Variants in GALNT17 observed in about 807,000 individuals in gnomAD.
The protein encoded by GALNT17 is polypeptide N-acetylgalactosaminyltransferase 17, also known as UDP-GalNAc:polypeptide N-acetylgalactosaminyltransferase-like 3.
GALNT17 carries 29 observed loss-of-function variants against 63.7 expected under a neutral mutation model. That is an observed-to-expected ratio of 0.46 (90% CI 0.34 to 0.62). The LOEUF is 0.62. GALNT17 is among the 20% of genes least tolerant of loss of function. GALNT17 has a pLI of 0.01. For missense variants in GALNT17, 603 were observed against 799.6 expected (o/e 0.75, Z 2.97); for synonymous variants, 305 against 318.3 (o/e 0.96, Z 0.45).
chr7:71,342,827 G>A (rs10265527), intron 2 of GALNT17, among the ~76,000 whole-genome samples: 98,988 of 151,634 alleles, frequency 0.65, 32,721 homozygotes, highest in African/African-American at 0.76. Context: ...GATTACAGGA[G>A]TTGAAGGAGA....
chr7:71,282,186 A>G (rs1790790175), intron 1 of GALNT17, among the ~76,000 whole-genome samples: 1 of 152,228 alleles, frequency 6.6e-6, no homozygotes, highest in Non-Finnish European at 1.5e-5. Flanking sequence ...TGTGAACGAA[A>G]AAGCTCAGAC....
At chr7:71,647,229 A>ATTTTTT (rs5884850) in intron 6 of GALNT17, among the ~76,000 whole-genome samples, 35 of 137,502 alleles carry the variant, frequency 2.5e-4, no homozygotes, top group African/African-American at 8.7e-4. Flanking sequence ...GTGCCCAGCT[A>ATTTTTT]TTTTTTTTTT....
At chr7:71,170,073 C>T (rs984035739) in intron 1 of GALNT17, among the ~76,000 whole-genome samples, 1 of 151,978 alleles carries the variant, frequency 6.6e-6, no homozygotes, top group Non-Finnish European at 1.5e-5. Context: ...ATAGCTGGGA[C>T]TACAGATGCC....
chr7:71,199,702 CATCCATCCATGT>C (rs1473755946), intron 1 of GALNT17, among the ~76,000 whole-genome samples: 7 of 147,200 alleles, frequency 4.8e-5, no homozygotes, highest in Non-Finnish European at 7.4e-5. Context: ...TCCATCCATC[CATCCATCCATGT>C]ATGTGTCCAC....
rs1451662175 is a variant in GALNT17, at chr7:71,559,016, AGTT to A, written c.963-12262_963-12260del. On this transcript the variant is annotated intron_variant, in intron 5 of 10. Coordinates refer to ENST00000333538, the MANE Select transcript of GALNT17 (RefSeq NM_022479.3). ...ACAGTTCCCTTTCCAATCTGAAGGA[AGTT>A]GTTGTTTCAGCATGAATTATCTTTT... 7.9e-5 allele frequency among the ~76,000 whole-genome samples: 12 copies of A among 152,330 alleles called. No homozygotes were observed. In the East Asian group the frequency reaches 2.1e-3, roughly 27 times the overall value.
At chr7:71,421,583 G>A (rs979442861) in intron 5 of GALNT17, among the ~76,000 whole-genome samples, 36 of 152,182 alleles carry the variant, frequency 2.4e-4, no homozygotes, top group African/African-American at 8.4e-4. Flanking sequence ...CTCTTGCCCC[G>A]GGTCCCACCC....
At position 71,581,021 on chromosome 7, in the gene GALNT17, T is replaced by C. The variant is rs1789628316; in HGVS notation, c.1080+9619T>C. On this transcript the variant is annotated intron_variant, in intron 6 of 10. Coordinates refer to ENST00000333538, the MANE Select transcript of GALNT17 (RefSeq NM_022479.3). The stretch of plus-strand genomic sequence containing the variant: ...AATTTATAAACAAAAGACAGTTAAT[T>C]GATTCACAGTTGTGCATGGCTGGGG... Among the ~76,000 whole-genome samples, 3 of 152,258 alleles carry C rather than the reference T, an allele frequency of 2.0e-5. No individual in the cohort carries two copies. In the South Asian group the frequency reaches 6.2e-4, roughly 32 times the overall value.
intron 1 of GALNT17, among the ~76,000 whole-genome samples, chr7:71,166,907 A>G (rs531855747): frequency 2.6e-4 from 39 of 152,120 alleles, no homozygotes; most frequent in Admixed American, 7.2e-4. Context: ...GTTTTTTTTA[A>G]AAGACAAAGT....
chr7:71,516,754 C>G (rs1239351535), intron 5 of GALNT17, among the ~76,000 whole-genome samples: 1 of 152,192 alleles, frequency 6.6e-6, no homozygotes, highest in Non-Finnish European at 1.5e-5. Context: ...CTCTCCATTT[C>G]TCCCCATTCT....
chr7:71,560,283 G>A (rs948035814), intron 5 of GALNT17, among the ~76,000 whole-genome samples: 1 of 151,548 alleles, frequency 6.6e-6, no homozygotes, highest in African/African-American at 2.4e-5. Context: ...GGGTGCTGTT[G>A]GTCTCAGTGA....
intron 6 of GALNT17, among the ~76,000 whole-genome samples, chr7:71,606,415 T>A (rs1790049373): frequency 6.6e-6 from 1 of 152,216 alleles, no homozygotes; most frequent in African/African-American, 2.4e-5. Flanking sequence ...TCTATAACTC[T>A]TGGAGTGACA....
chr7:71,629,023 C>T (rs67230637), intron 6 of GALNT17, among the ~76,000 whole-genome samples: 38,939 of 152,030 alleles, frequency 0.26, 5,290 homozygotes, highest in Non-Finnish European at 0.29. Flanking sequence ...CCATGGGCCA[C>T]GCCCCTATCT....
intron 5 of GALNT17, among the ~76,000 whole-genome samples, chr7:71,518,783 G>T (rs1440104495): frequency 1.3e-5 from 2 of 152,180 alleles, no homozygotes; most frequent in African/African-American, 4.8e-5. Flanking sequence ...AAGGGAGTCG[G>T]AAGATTCTCT....
chr7:71,693,476 A>G (rs190420596), intron 9 of GALNT17, among the ~76,000 whole-genome samples: 1 of 152,086 alleles, frequency 6.6e-6, no homozygotes, highest in Non-Finnish European at 1.5e-5. Context: ...TAGACATAAA[A>G]AAGAATGGAA....
chr7:71,165,744 T>C (rs1164890766), intron 1 of GALNT17, among the ~76,000 whole-genome samples: 1 of 152,228 alleles, frequency 6.6e-6, no homozygotes, highest in African/African-American at 2.4e-5. Context: ...AAATTTGCTT[T>C]ACTTGACGTT....
At position 71,342,212 on chromosome 7, in the gene GALNT17, G is replaced by T. The variant is rs567495068; in HGVS notation, c.422+6479G>T. ...GCTTGGCTTCTACTTGGCTTCTAAGGAGGCCTCAGGAAGCTTACAGTCATG... is the reference window on the plus strand; with the variant it reads ...GCTTGGCTTCTACTTGGCTTCTAAGTAGGCCTCAGGAAGCTTACAGTCATG... On this transcript the variant is annotated intron_variant, in intron 2 of 10. Transcript: ENST00000333538. Among the ~76,000 whole-genome samples the T allele has an allele frequency of 1.6e-4, 24 of 152,200 alleles. No homozygotes were observed. In the South Asian group the frequency reaches 4.8e-3, roughly 30 times the overall value.
intron 5 of GALNT17, among the ~76,000 whole-genome samples, chr7:71,518,871 T>C (rs949800105): frequency 2.6e-5 from 4 of 152,092 alleles, no homozygotes; most frequent in African/African-American, 7.2e-5. Context: ...TCAGTAAGAA[T>C]TGGCCAATTA....
chr7:71,278,250 T>C (rs1391204542), intron 1 of GALNT17, among the ~76,000 whole-genome samples: 1 of 152,218 alleles, frequency 6.6e-6, no homozygotes, highest in Admixed American at 6.5e-5. Flanking sequence ...GTTTATTGAC[T>C]TGCTCCAGGT....
chr7:71,201,317 T>C (rs1320929298), intron 1 of GALNT17, among the ~76,000 whole-genome samples: 1 of 150,838 alleles, frequency 6.6e-6, no homozygotes, highest in Non-Finnish European at 1.5e-5. Context: ...TCCAGTCATA[T>C]TGGCTTTCTT....
Sources: allele counts gnomAD v4.1 joint callset (sites outside exome capture counted in the v4.1 genomes callset), GRCh38; gene constraint gnomAD v4.1.1; transcripts MANE v1.5; gene names NCBI Gene and HGNC (gene_info 2026-07-23, HGNC 2026-07-21).